The following ANKRD55 variants were observed in gnomAD, a reference collection of about 807,000 sequenced individuals.
ANKRD55 encodes the protein ankyrin repeat domain 55.
A neutral mutation model predicts 60.6 loss-of-function variants in ANKRD55; 41 were observed. That is an observed-to-expected ratio of 0.68 (90% CI 0.53 to 0.88). The LOEUF (loss-of-function observed/expected upper bound fraction) is 0.88, where lower values mean the gene tolerates loss of function less well. Ranked by LOEUF, ANKRD55 falls within the 40% of genes least tolerant of loss-of-function variation. The pLI is 0.00. For synonymous variants in ANKRD55, 264 were observed against 290.3 expected (o/e 0.91, Z 0.92); for missense variants, 732 against 767.6 (o/e 0.95, Z 0.55).
At chr5:56,160,367 T>C (rs749637127) in intron 5 of ANKRD55, among the ~76,000 whole-genome samples, 25 of 152,122 alleles carry the variant, frequency 1.6e-4, no homozygotes, top group Admixed American at 2.6e-4. Context: ...GCCTCCCGAG[T>C]AGCTGGGACT....
intron 7 of ANKRD55, among the ~76,000 whole-genome samples, chr5:56,142,619 G>A (rs866420274): frequency 5.9e-5 from 9 of 152,160 alleles, no homozygotes; most frequent in Non-Finnish European, 1.5e-5. Context: ...CCTGCTTCTG[G>A]TGCCACTTTC....
chr5:56,161,992 G>A, intron 5 of ANKRD55: 1 of 985,384 alleles, frequency 1.0e-6, no homozygotes, highest in Non-Finnish European at 1.2e-6. Flanking sequence ...TTGTGACTGT[G>A]CTTCTCCTTT....
chr5:56,112,203 G>A (rs1756731452), intron 9 of ANKRD55, among the ~76,000 whole-genome samples: 1 of 152,120 alleles, frequency 6.6e-6, no homozygotes, highest in Non-Finnish European at 1.5e-5. Flanking sequence ...AGGCTTCAAT[G>A]AGCAGAAGGA....
Position 56,100,290 on chromosome 5 carries a change from G to T in ANKRD55, c.1738C>A (p.Pro580Thr), listed in dbSNP as rs1250265711. The change falls in exon 12 of 12, where the codon CCT becomes ACT. Residue 580 changes from proline (P) to threonine (T), a missense_variant. Transcript: ENST00000341048. ...GGAAGCACTCGGTTTGTCCGCAGAG[G>T]TTCTCCAGATAGAACTGGGAAGAAA... Reference protein sequence around the residue: ...LPDQKFLSGEPLRTNRVLPAI... With the variant: ...LPDQKFLSGETLRTNRVLPAI... 1 of 1,614,142 alleles carries T rather than the reference G, an allele frequency of 6.2e-7. No individual in the cohort carries two copies. The highest frequency in any genetic ancestry group is 8.5e-7 in the Non-Finnish European group (1 of 1,180,000).
At chr5:56,131,711 G>A (rs907823522) in intron 7 of ANKRD55, among the ~76,000 whole-genome samples, 4 of 143,092 alleles carry the variant, frequency 2.8e-5, no homozygotes, top group African/African-American at 1.0e-4. Context: ...CAGGAGAATC[G>A]CTTGAACCCG....
At chr5:56,231,653 G>A (rs796517959) in intron 2 of ANKRD55, among the ~76,000 whole-genome samples, 5 of 147,978 alleles carry the variant, frequency 3.4e-5, no homozygotes, top group African/African-American at 1.2e-4. Context: ...CTGAAGGCGC[G>A]CACACACACA....
At chr5:56,141,470 G>A (rs1757765073) in intron 7 of ANKRD55, among the ~76,000 whole-genome samples, 1 of 152,210 alleles carries the variant, frequency 6.6e-6, no homozygotes, top group Non-Finnish European at 1.5e-5. Context: ...AAGAGGTGAG[G>A]CCTGGACGTG....
At chr5:56,218,294 G>C (rs1047211254) in intron 2 of ANKRD55, among the ~76,000 whole-genome samples, 4 of 152,070 alleles carry the variant, frequency 2.6e-5, no homozygotes, top group Non-Finnish European at 5.9e-5. Context: ...TTCTACGGTG[G>C]GTAAAATGCT....
intron 7 of ANKRD55, among the ~76,000 whole-genome samples, chr5:56,132,484 A>G (rs1481616242): frequency 6.6e-6 from 1 of 150,448 alleles, no homozygotes; most frequent in Non-Finnish European, 1.5e-5. Context: ...CCAACTACTC[A>G]GGAGGCTGAG....
chr5:56,197,757 G>T (rs546624463), intron 2 of ANKRD55, among the ~76,000 whole-genome samples: 5 of 152,094 alleles, frequency 3.3e-5, no homozygotes, highest in African/African-American at 9.7e-5. Flanking sequence ...TTTTCTTACT[G>T]TAATGAGATA....
chr5:56,228,616 G>T (rs1036282194), intron 2 of ANKRD55, among the ~76,000 whole-genome samples: 1 of 151,944 alleles, frequency 6.6e-6, no homozygotes, highest in Non-Finnish European at 1.5e-5. Context: ...CTAGAGACAG[G>T]GTTTCACCAT....
Position 56,131,795 on chromosome 5 carries a change from C to CAAAAAAA in ANKRD55, c.613-4696_613-4690dup, listed in dbSNP as rs34898025. ...TGGGCAACAGAGCAAGACTCCGTCT[C>CAAAAAAA]AAAAAAAAAAAAAAAAAAAAAAAAA... On this transcript the variant is annotated intron_variant, in intron 7 of 11. Transcript: ENST00000341048. 6.3e-4 allele frequency among the ~76,000 whole-genome samples: 17 copies of CAAAAAAA among 26,784 alleles called. 2 individuals carry two copies. Among genetic ancestry groups the CAAAAAAA allele is most frequent in the East Asian group, 1.1e-3 (1 of 930 alleles). The allele number at this position is 26,784 out of a possible 152,430, so 17.6% of individuals were successfully genotyped here.
rs1246763894 is a variant in ANKRD55 at position 56,116,782 on chromosome 5, C to T, written c.798G>A (p.Arg266=). ...CNLQALDVDD[R]TPLHWAAAAG... is the part of the protein sequence containing the mutation. ...CAGCTGCAGCCCAGTGCAGAGGTGTCCTGGAGGGGCCATGTGAAAAAAGCA... is the reference window on the plus strand; with the variant it reads ...CAGCTGCAGCCCAGTGCAGAGGTGTTCTGGAGGGGCCATGTGAAAAAAGCA... Residue 266 remains arginine, a splice_region_variant and synonymous_variant, in exon 9 of 12, where the codon AGG becomes AGA. Transcript: ENST00000341048. The T allele has an allele frequency of 6.3e-7, 1 of 1,599,966 alleles. No individual in the cohort carries two copies. Among genetic ancestry groups the T allele is most frequent in the Non-Finnish European group, 8.5e-7 (1 of 1,174,434 alleles).
chr5:56,199,985 A>C (rs1390772709), intron 2 of ANKRD55, among the ~76,000 whole-genome samples: 1 of 152,114 alleles, frequency 6.6e-6, no homozygotes, highest in Admixed American at 6.6e-5. Context: ...ATTGTGTTTT[A>C]ATTGTAATAT....
At position 56,154,696 on chromosome 5, in the gene ANKRD55, C is replaced by T. The variant is rs189266483; in HGVS notation, c.483+5137G>A. ...ATCTCCCAAGTTCAAGCAATTCCAC[C>T]GCCTGCCTCAGCCTCTGGAGTAGCT... On this transcript the variant is annotated intron_variant, in intron 6 of 11. Coordinates refer to ENST00000341048, the MANE Select transcript of ANKRD55 (RefSeq NM_024669.3). Among the ~76,000 whole-genome samples the T allele has an allele frequency of 1.9e-3, 293 of 151,846 alleles. 2 individuals are homozygous for T. Among genetic ancestry groups the T allele is most frequent in the East Asian group, 9.1e-3 (47 of 5,140 alleles).
At chr5:56,138,803 AG>A (rs1454661834) in intron 7 of ANKRD55, among the ~76,000 whole-genome samples, 3 of 152,250 alleles carry the variant, frequency 2.0e-5, no homozygotes, top group Non-Finnish European at 2.9e-5. Context: ...GACAGTAAAA[AG>A]ATCAGTGGTT....
chr5:56,232,881 G>C lies in ANKRD55; in HGVS notation c.33C>G (p.Thr11=). The C allele has an allele frequency of 6.2e-7, 1 of 1,614,092 alleles. No individual in the cohort carries two copies. The highest frequency in any genetic ancestry group is 8.5e-7 in the Non-Finnish European group (1 of 1,180,020). The part of the protein sequence containing the change: MMRQATMDFS[T]PSVFDQQRGD... ...CTCTTTGCTGATCAAACACAGAAGGGGTGCTGAAATCCATGGTAGCCTGTC... is the reference window on the plus strand; with the variant it reads ...CTCTTTGCTGATCAAACACAGAAGGCGTGCTGAAATCCATGGTAGCCTGTC... The change falls in exon 2 of 12, where the codon ACC becomes ACG. Residue 11 remains threonine (T), a synonymous_variant. Coordinates refer to ENST00000341048, the MANE Select transcript of ANKRD55 (RefSeq NM_024669.3).
rs760579731 is a variant in ANKRD55 at position 56,135,288 on chromosome 5, CTGCTTGCT to C, written c.613-8190_613-8183del. Reference sequence around the variant, plus strand: ...TTTCCCTCCCTCCCTCCCTGCCTGCCTGCTTGCTTTCTTTCTTTCTTTCTTTCTTTCTT... The same window carrying C: ...TTTCCCTCCCTCCCTCCCTGCCTGCCTTCTTTCTTTCTTTCTTTCTTTCTT... On this transcript the variant is annotated intron_variant, in intron 7 of 11. Transcript: ENST00000341048. Among the ~76,000 whole-genome samples, 139 of 93,040 alleles carry C rather than the reference CTGCTTGCT, an allele frequency of 1.5e-3. 4 individuals carry two copies. Among genetic ancestry groups the C allele is most frequent in the Admixed American group, 6.0e-3 (54 of 8,988 alleles). The allele number at this position is 93,040 out of a possible 152,430, so 61.0% of individuals were successfully genotyped here. A position where few individuals can be genotyped will look rare whatever the true frequency, so the allele number is the denominator to read the frequency against.
At chr5:56,159,807 A>G (rs1008293569) in intron 6 of ANKRD55, 26 bp downstream of exon 6, 6 of 1,611,462 alleles carry the variant, frequency 3.7e-6, no homozygotes, top group Non-Finnish European at 4.2e-6. Flanking sequence ...CAAAATGACC[A>G]CTTGTTGCTT....
Sources: gnomAD v4.1 joint callset for allele counts (sites outside exome capture counted in the v4.1 genomes callset) on GRCh38, gnomAD v4.1.1 for gene constraint, MANE v1.5 for transcripts, NCBI Gene and HGNC (gene_info 2026-07-23, HGNC 2026-07-21) for gene names.